Variants in MARK1 observed in about 807,000 individuals in gnomAD.
The protein encoded by MARK1 is microtubule affinity regulating kinase 1.
In MARK1, 40 loss-of-function variants were observed where a neutral mutation model predicts 96.3. That is an observed-to-expected ratio of 0.42 (90% CI 0.32 to 0.54). MARK1 has a LOEUF of 0.54. Ranked by LOEUF, MARK1 falls within the 20% of genes least tolerant of loss-of-function variation. MARK1 has a pLI of 0.16. For missense variants in MARK1, 719 were observed against 984.6 expected (o/e 0.73, Z 3.61); for synonymous variants, 317 against 341.2 (o/e 0.93, Z 0.78).
chr1:220,615,812 A>G, intron 6 of MARK1, 127 bp from the exon 7 acceptor site: 1 of 569,814 alleles, frequency 1.8e-6, no homozygotes, highest in Non-Finnish European at 3.1e-6. Flanking sequence ...CTGAACTAAA[A>G]GCATTGCATA....
chr1:220,531,221 C>A (rs542158654), intron 1 of MARK1, among the ~76,000 whole-genome samples: 2 of 152,246 alleles, frequency 1.3e-5, no homozygotes, highest in African/African-American at 4.8e-5. Context: ...AATAAAGTAA[C>A]AAGCCTGCTT....
chr1:220,548,433 G>C (rs1203264596), intron 1 of MARK1, among the ~76,000 whole-genome samples: 1 of 152,184 alleles, frequency 6.6e-6, no homozygotes, highest in Admixed American at 6.5e-5. Context: ...TAAATCAAAT[G>C]TAATGATTTA....
intron 11 of MARK1, 121 bp from the exon 12 acceptor site, chr1:220,635,255 T>G: frequency 1.0e-6 from 1 of 965,518 alleles, no homozygotes; most frequent in Non-Finnish European, 1.5e-6. Context: ...ACACTGTTTT[T>G]TCAGTTTGGA....
chr1:220,585,912 A>G (rs1373970843), intron 3 of MARK1, among the ~76,000 whole-genome samples: 2 of 151,570 alleles, frequency 1.3e-5, no homozygotes, highest in Non-Finnish European at 2.9e-5. Context: ...ATCTTTCTCT[A>G]TCATGACCAG....
chr1:220,565,339 A>C lies in MARK1; in HGVS notation c.52-14015A>C, dbSNP rs566243515. Among the ~76,000 whole-genome samples the C allele has an allele frequency of 1.5e-3, 230 of 152,268 alleles. 1 individual carries two copies. Among genetic ancestry groups the C allele is most frequent in the African/African-American group, 5.3e-3 (221 of 41,560 alleles). On this transcript the variant is annotated intron_variant, in intron 1 of 17. Coordinates refer to ENST00000366917, the MANE Select transcript of MARK1 (RefSeq NM_018650.5). ...TATTTCAGATGGTGCCACAATATTGAGGTCCTTCTGGGAGCCACCAGTATC... is the reference window on the plus strand; with the variant it reads ...TATTTCAGATGGTGCCACAATATTGCGGTCCTTCTGGGAGCCACCAGTATC...
chr1:220,643,644 G>A (rs1203637343), intron 13 of MARK1, among the ~76,000 whole-genome samples: 5 of 152,018 alleles, frequency 3.3e-5, no homozygotes, highest in East Asian at 1.9e-4. Flanking sequence ...AGGTCAAAAC[G>A]AAGGAAAAAA....
At chr1:220,530,893 A>G (rs1186090225) in intron 1 of MARK1, among the ~76,000 whole-genome samples, 1 of 152,206 alleles carries the variant, frequency 6.6e-6, no homozygotes, top group East Asian at 1.9e-4. Context: ...TGTGGAAAAT[A>G]TCTATTATAT....
intron 10 of MARK1, among the ~76,000 whole-genome samples, chr1:220,631,498 C>A (rs1201799058): frequency 6.6e-6 from 1 of 152,104 alleles, no homozygotes; most frequent in Admixed American, 6.6e-5. Context: ...ATAGAGGCAC[C>A]GAATTAAGAG....
intron 3 of MARK1, among the ~76,000 whole-genome samples, chr1:220,589,240 A>G (rs1237389236): frequency 6.6e-6 from 1 of 152,204 alleles, no homozygotes; most frequent in African/African-American, 2.4e-5. Flanking sequence ...GCCCCTGACT[A>G]TGACACTTTG....
chr1:220,552,923 C>A (rs1159365886), intron 1 of MARK1, among the ~76,000 whole-genome samples: 1 of 152,148 alleles, frequency 6.6e-6, no homozygotes, highest in African/African-American at 2.4e-5. Context: ...ATGAAGCTGA[C>A]AGATTAGCCT....
chr1:220,586,682 A>G (rs1187699206), intron 3 of MARK1, among the ~76,000 whole-genome samples: 1 of 152,204 alleles, frequency 6.6e-6, no homozygotes, highest in East Asian at 1.9e-4. Flanking sequence ...GAAGCTACTT[A>G]AGATATACTG....
chr1:220,605,760 T>C (rs1296389919), intron 6 of MARK1, among the ~76,000 whole-genome samples: 1 of 151,012 alleles, frequency 6.6e-6, no homozygotes, highest in African/African-American at 2.4e-5. Context: ...TGAGAACATG[T>C]GGTGTTTGGT....
chr1:220,556,485 C>CAAAAAAAA (rs55808704), intron 1 of MARK1, among the ~76,000 whole-genome samples: 42 of 85,724 alleles, frequency 4.9e-4, no homozygotes, highest in East Asian at 1.8e-3. Context: ...GGGACTGTCA[C>CAAAAAAAA]AAAAAAAAAA....
intron 1 of MARK1, among the ~76,000 whole-genome samples, chr1:220,578,176 T>C (rs1402955012): frequency 6.6e-6 from 1 of 152,226 alleles, no homozygotes; most frequent in East Asian, 1.9e-4. Flanking sequence ...TTTACTCTTC[T>C]TCAGCAATTT....
intron 3 of MARK1, among the ~76,000 whole-genome samples, chr1:220,595,340 A>G (rs901193694): frequency 2.6e-5 from 4 of 152,214 alleles, no homozygotes; most frequent in African/African-American, 9.7e-5. Context: ...CAGTTTTGAC[A>G]AGCAATCAGT....
chr1:220,622,473 CAATT>C lies in MARK1; in HGVS notation c.909+3723_909+3726del, dbSNP rs200444188. 7.5e-4 allele frequency among the ~76,000 whole-genome samples: 114 copies of C among 152,198 alleles called. No individual in the cohort carries two copies. The East Asian group carries it at 0.019, about 25-fold the overall frequency. On this transcript the variant is annotated intron_variant, in intron 9 of 17. Transcript: ENST00000366917. The stretch of plus-strand genomic sequence containing the variant: ...CCAAATGACAGTAAAGCAAAAAAAT[CAATT>C]AATTCATAATTTTTTAATGAAAGAT...
chr1:220,631,680 A>C (rs1030676984), intron 10 of MARK1, among the ~76,000 whole-genome samples: 1 of 152,138 alleles, frequency 6.6e-6, no homozygotes, highest in African/African-American at 2.4e-5. Flanking sequence ...AGTCATCTCA[A>C]CTGTGTTCCT....
At chr1:220,661,780 T>G in intron 17 of MARK1, 32 bp from the exon 18 acceptor site, 1 of 1,493,492 alleles carries the variant, frequency 6.7e-7, no homozygotes, top group Non-Finnish European at 9.1e-7. Context: ...AAATATTTGC[T>G]TTCATTCTTT....
chr1:220,579,320 A>T, intron 1 of MARK1, 34 bp from the exon 2 acceptor site: 1 of 1,394,174 alleles, frequency 7.2e-7, no homozygotes, highest in Non-Finnish European at 1.0e-6. Context: ...AATATAATTT[A>T]ATTAACAATG....
Sources: gnomAD v4.1 joint callset for allele counts (sites outside exome capture counted in the v4.1 genomes callset) on GRCh38, gnomAD v4.1.1 for gene constraint, MANE v1.5 for transcripts, NCBI Gene and HGNC (gene_info 2026-07-23, HGNC 2026-07-21) for gene names.